The following CDK19 variants were observed in gnomAD, a reference collection of about 807,000 sequenced individuals.
CDK19 encodes the protein cyclin dependent kinase 19.
CDK19 carries 20 observed loss-of-function variants against 68.3 expected under a neutral mutation model. The ratio of observed to expected loss-of-function variants is 0.29; its 90% CI spans 0.21 to 0.43. The LOEUF (loss-of-function observed/expected upper bound fraction) is 0.43, where lower values mean the gene tolerates loss of function less well. Among genes scored for constraint, CDK19 ranks in the 20% least tolerant of loss-of-function variants. The pLI, the probability that CDK19 is intolerant of heterozygous loss-of-function variation, is 1.00. For synonymous variants in CDK19, 221 were observed against 222.8 expected (o/e 0.99, Z 0.07); for missense variants, 339 against 623.5 (o/e 0.54, Z 4.86).
At position 110,648,538 on chromosome 6, in the gene CDK19, C is replaced by CTTT. The variant is rs60624969; in HGVS notation, c.457-9835_457-9833dup. 0.015 allele frequency among the ~76,000 whole-genome samples: 1,756 copies of CTTT among 120,182 alleles called. 170 individuals are homozygous for CTTT. The East Asian group carries it at 0.29, about 20-fold the overall frequency. The allele number at this position is 120,182 out of a possible 152,430, so 78.8% of individuals were successfully genotyped here. ...AACACCATGAAATCTTTTTTCTTTTCTTTTTTTTTTTTTTTTTTTTGAGAA... is the reference window on the plus strand; with the variant it reads ...AACACCATGAAATCTTTTTTCTTTTCTTTTTTTTTTTTTTTTTTTTTTTGAGAA... On this transcript the variant is annotated intron_variant, in intron 4 of 12. Transcript: ENST00000368911.
At chr6:110,798,588 G>A (rs1191426045) in intron 1 of CDK19, among the ~76,000 whole-genome samples, 4 of 136,938 alleles carry the variant, frequency 2.9e-5, no homozygotes, top group East Asian at 2.2e-4. Flanking sequence ...TCGCGACATC[G>A]CACTCCAGCC....
intron 2 of CDK19, among the ~76,000 whole-genome samples, chr6:110,739,344 T>G (rs1437168840): frequency 6.6e-6 from 1 of 152,124 alleles, no homozygotes; most frequent in Non-Finnish European, 1.5e-5. Flanking sequence ...CGTCCATCTG[T>G]GAACTAGGAA....
intron 5 of CDK19, among the ~76,000 whole-genome samples, chr6:110,636,786 T>C (rs78964533): frequency 0.028 from 4,329 of 152,340 alleles, 84 homozygotes; most frequent in South Asian, 0.083. Context: ...AGATGTATTT[T>C]AAATTGGGAA....
chr6:110,727,673 T>G (rs551311757), intron 2 of CDK19, among the ~76,000 whole-genome samples: 3 of 152,086 alleles, frequency 2.0e-5, no homozygotes, highest in Admixed American at 1.3e-4. Flanking sequence ...AGAATTCCTC[T>G]CTCAAGAAGA....
At chr6:110,753,262 T>G (rs1007372020) in intron 1 of CDK19, among the ~76,000 whole-genome samples, 2 of 152,178 alleles carry the variant, frequency 1.3e-5, no homozygotes, top group African/African-American at 4.8e-5. Flanking sequence ...ATCTTCATTA[T>G]ATACTATTTC....
At chr6:110,687,708 A>G (rs986289166) in intron 2 of CDK19, among the ~76,000 whole-genome samples, 6 of 152,216 alleles carry the variant, frequency 3.9e-5, no homozygotes, top group African/African-American at 1.4e-4. Context: ...AAGAGTGATA[A>G]CTTTAATTTT....
chr6:110,783,573 G>C (rs757280399), intron 1 of CDK19, among the ~76,000 whole-genome samples: 1 of 149,680 alleles, frequency 6.7e-6, no homozygotes, highest in Non-Finnish European at 1.5e-5. Context: ...AGGAGGTGGA[G>C]GTTTCCGTGA....
chr6:110,752,109 G>A (rs1340677916), intron 1 of CDK19, among the ~76,000 whole-genome samples: 3 of 151,724 alleles, frequency 2.0e-5, no homozygotes, highest in Non-Finnish European at 4.4e-5. Context: ...GAATTATTCA[G>A]TATCATCATG....
At chr6:110,639,905 T>C (rs1333523499) in intron 4 of CDK19, among the ~76,000 whole-genome samples, 2 of 152,104 alleles carry the variant, frequency 1.3e-5, no homozygotes, top group Non-Finnish European at 2.9e-5. Flanking sequence ...TGACCAGGTA[T>C]GCATAAGACG....
At chr6:110,812,932 TTACTG>T (rs780664386) in intron 1 of CDK19, among the ~76,000 whole-genome samples, 7 of 152,136 alleles carry the variant, frequency 4.6e-5, no homozygotes, top group Non-Finnish European at 7.4e-5. Context: ...ACGTGGGTGT[TTACTG>T]TAAAGTTGCA....
intron 1 of CDK19, among the ~76,000 whole-genome samples, chr6:110,792,611 T>C (rs1411617035): frequency 6.6e-6 from 1 of 152,214 alleles, no homozygotes; most frequent in Admixed American, 6.5e-5. Context: ...TTTTGCCATG[T>C]TGCCAGGCTG....
At chr6:110,615,115 T>C (rs1480318642) in intron 12 of CDK19, among the ~76,000 whole-genome samples, 1 of 152,228 alleles carries the variant, frequency 6.6e-6, no homozygotes, top group Non-Finnish European at 1.5e-5. Context: ...GAAATCATTA[T>C]TTTAGAGCAA....
intron 9 of CDK19, 130 bp downstream of exon 9, chr6:110,623,160 A>G: frequency 1.3e-6 from 1 of 742,740 alleles, no homozygotes; most frequent in East Asian, 2.6e-5. Context: ...ACATCTCAAC[A>G]AAAAAAATAT....
At chr6:110,647,342 C>T (rs548771693) in intron 4 of CDK19, among the ~76,000 whole-genome samples, 1 of 151,384 alleles carries the variant, frequency 6.6e-6, no homozygotes, top group South Asian at 2.1e-4. Context: ...AAACCCAAGC[C>T]CCTCCTTCCT....
rs769702754 is a variant in CDK19, at chr6:110,815,163, G to C, written c.-27C>G. On this transcript the variant is annotated 5_prime_UTR_variant, in exon 1 of 13. Coordinates refer to ENST00000368911, the MANE Select transcript of CDK19 (RefSeq NM_015076.5). Reference sequence around the variant, plus strand: ...GTCTGCTTCCCCCATAGAGGCACGGGACGCGGGGGCCGCCGCCGCTCAGTC... The same window carrying C: ...GTCTGCTTCCCCCATAGAGGCACGGCACGCGGGGGCCGCCGCCGCTCAGTC... 6.4e-7 allele frequency: 1 copy of C among 1,564,048 alleles called. No individual in the cohort carries two copies. The highest frequency in any genetic ancestry group is 8.6e-7 in the Non-Finnish European group (1 of 1,156,796).
At chr6:110,727,755 T>C (rs1776420425) in intron 2 of CDK19, among the ~76,000 whole-genome samples, 1 of 150,944 alleles carries the variant, frequency 6.6e-6, no homozygotes, top group South Asian at 2.1e-4. Context: ...GGCAGACTGC[T>C]TGAGCCCGGA....
chr6:110,766,802 C>A (rs1779621709), intron 1 of CDK19, among the ~76,000 whole-genome samples: 1 of 151,944 alleles, frequency 6.6e-6, no homozygotes, highest in Admixed American at 6.6e-5. Context: ...GAGTTCCAGA[C>A]CAGCCTGGGC....
At chr6:110,798,486 T>G (rs1782105359) in intron 1 of CDK19, among the ~76,000 whole-genome samples, 1 of 151,734 alleles carries the variant, frequency 6.6e-6, no homozygotes, top group Non-Finnish European at 1.5e-5. Flanking sequence ...TAGCTGGGCA[T>G]GATGGCAGGC....
At chr6:110,647,209 A>C (rs1448442158) in intron 4 of CDK19, among the ~76,000 whole-genome samples, 1 of 152,140 alleles carries the variant, frequency 6.6e-6, no homozygotes, top group Non-Finnish European at 1.5e-5. Flanking sequence ...GTAACCTCGA[A>C]GCATGCGACG....
Sources: allele counts gnomAD v4.1 joint callset (sites outside exome capture counted in the v4.1 genomes callset), GRCh38; gene constraint gnomAD v4.1.1; transcripts MANE v1.5; gene names NCBI Gene and HGNC (gene_info 2026-07-23, HGNC 2026-07-21).